The following LRIG2 variants were observed in gnomAD, a reference collection of about 807,000 sequenced individuals.
LRIG2 encodes leucine-rich repeats and immunoglobulin-like domains protein 2.
LRIG2 carries 93 observed loss-of-function variants against 107.8 expected under a neutral mutation model. The ratio of observed to expected loss-of-function variants is 0.86; its 90% CI spans 0.73 to 1.03. LRIG2 has a LOEUF of 1.03. Among genes scored for constraint, LRIG2 ranks in the 50% least tolerant of loss-of-function variants. LRIG2 has a pLI of 0.00. For synonymous variants in LRIG2, 471 were observed against 470.6 expected (o/e 1.00, Z -0.01); for missense variants, 1,226 against 1,296.0 (o/e 0.95, Z 0.83).
intron 11 of LRIG2, among the ~76,000 whole-genome samples, chr1:113,104,830 C>A (rs1019180622): frequency 1.3e-5 from 2 of 152,134 alleles, no homozygotes; most frequent in African/African-American, 4.8e-5. Context: ...ATCTCAGTTT[C>A]CATTTCTAGA....
At chr1:113,090,994 G>A (rs1428258375) in intron 1 of LRIG2, among the ~76,000 whole-genome samples, 2 of 151,790 alleles carry the variant, frequency 1.3e-5, no homozygotes, top group Non-Finnish European at 2.9e-5. Context: ...TGGGATTACA[G>A]GCGTGTGCCA....
At chr1:113,108,972 A>G (rs936640066) in intron 12 of LRIG2, among the ~76,000 whole-genome samples, 3 of 152,192 alleles carry the variant, frequency 2.0e-5, no homozygotes, top group Non-Finnish European at 4.4e-5. Context: ...GGATATCCCT[A>G]GTATCTCTGA....
chr1:113,119,143 A>C, intron 16 of LRIG2, 90 bp from the exon 17 acceptor site: 1 of 1,220,878 alleles, frequency 8.2e-7, no homozygotes, highest in Non-Finnish European at 1.2e-6. Context: ...CATGCTAGCA[A>C]TGATGATGAC....
At position 113,126,089 on chromosome 1, in the gene LRIG2, T is replaced by C. The variant is rs1655474717; in HGVS notation, c.*1988T>C. The C allele has an allele frequency of 6.6e-6, 1 of 152,192 alleles. No homozygotes were observed. The highest frequency in any genetic ancestry group is 2.4e-5 in the African/African-American group (1 of 41,442). 9.4% of individuals were successfully genotyped at this position (152,192 alleles called of 1,614,324 possible). A position where few individuals can be genotyped will look rare whatever the true frequency, so the allele number is the denominator to read the frequency against. On this transcript the variant is annotated 3_prime_UTR_variant, in exon 18 of 18. Transcript: ENST00000361127. ...CTCAGTGCCCCAGATTCACCATTTCTGATTGTGTCTGGAGAACGTTTTCCT... is the reference window on the plus strand; with the variant it reads ...CTCAGTGCCCCAGATTCACCATTTCCGATTGTGTCTGGAGAACGTTTTCCT...
chr1:113,101,044 G>A (rs1481348237), intron 11 of LRIG2, among the ~76,000 whole-genome samples: 2 of 152,182 alleles, frequency 1.3e-5, no homozygotes, highest in Admixed American at 6.5e-5. Flanking sequence ...TTGGAGGTTA[G>A]TTGGGCATTG....
At chr1:113,105,591 C>G (rs986534203) in intron 11 of LRIG2, among the ~76,000 whole-genome samples, 1 of 152,004 alleles carries the variant, frequency 6.6e-6, no homozygotes, top group Non-Finnish European at 1.5e-5. Context: ...TTAAAGTAAC[C>G]AAAAGCAACC....
chr1:113,091,374 T>A lies in LRIG2; in HGVS notation c.296T>A (p.Leu99Ter), dbSNP rs748161605. 6.3e-7 allele frequency: 1 copy of A among 1,588,266 alleles called. No individual in the cohort carries two copies. Among genetic ancestry groups the A allele is most frequent in the Non-Finnish European group, 8.6e-7 (1 of 1,163,292 alleles). The change falls in exon 2 of 18, where the codon TTA becomes TAA. Residue 99 changes from leucine to a stop codon, truncating the protein, a stop_gained. Coordinates refer to ENST00000361127, the MANE Select transcript of LRIG2 (RefSeq NM_014813.3). LOFTEE classifies it high-confidence loss of function. ...NWNISLESQT[L>*]QEVKMNYNEL... is the part of the protein sequence containing the mutation. ...AACATCAGCTTGGAATCACAAACAT[T>A]ACAGGAAGTGTAAGTTATTTTTATT...
At chr1:113,121,132 G>A (rs1655235344) in intron 17 of LRIG2, among the ~76,000 whole-genome samples, 1 of 152,082 alleles carries the variant, frequency 6.6e-6, no homozygotes, top group Non-Finnish European at 1.5e-5. Context: ...AGTTTTAAAT[G>A]TTTTGTTTTG....
intron 11 of LRIG2, chr1:113,103,762 C>T (rs1232851737): frequency 2.0e-5 from 3 of 152,186 alleles, no homozygotes; most frequent in African/African-American, 7.2e-5. Context: ...AACCATTGCT[C>T]CGGACAAACA....
intron 1 of LRIG2, among the ~76,000 whole-genome samples, chr1:113,090,818 A>T (rs1653778501): frequency 6.7e-6 from 1 of 150,274 alleles, no homozygotes; most frequent in African/African-American, 2.4e-5. Flanking sequence ...AGCCTGGGCG[A>T]CAGAGCGAGA....
intron 11 of LRIG2, among the ~76,000 whole-genome samples, chr1:113,104,249 C>T (rs1256910660): frequency 6.6e-6 from 1 of 152,182 alleles, no homozygotes. Flanking sequence ...CAAATTCTTA[C>T]ATCCTCCATC....
intron 12 of LRIG2, 87 bp from the exon 13 acceptor site, chr1:113,110,155 C>A: frequency 1.1e-6 from 1 of 933,324 alleles, no homozygotes; most frequent in Non-Finnish European, 1.6e-6. Context: ...GTAAACAGAA[C>A]ACACAATTTT....
At position 113,126,128 on chromosome 1, in the gene LRIG2, A is replaced by G. The variant is rs1655475966; in HGVS notation, c.*2027A>G. ...GAACGTTTTCCTGGAAAGGCATTCCATGTTCCAAAAGCTACAAAAACATGC... is the reference window on the plus strand; with the variant it reads ...GAACGTTTTCCTGGAAAGGCATTCCGTGTTCCAAAAGCTACAAAAACATGC... On this transcript the variant is annotated 3_prime_UTR_variant, in exon 18 of 18. Coordinates refer to ENST00000361127, the MANE Select transcript of LRIG2 (RefSeq NM_014813.3). 6.6e-6 allele frequency: 1 copy of G among 152,158 alleles called. No homozygotes were observed. Among genetic ancestry groups the G allele is most frequent in the Admixed American group, 6.5e-5 (1 of 15,268 alleles). The allele number at this position is 152,158 out of a possible 1,614,324, so 9.4% of individuals were successfully genotyped here. A position where few individuals can be genotyped will look rare whatever the true frequency, so the allele number is the denominator to read the frequency against.
chr1:113,114,889 C>T lies in LRIG2; in HGVS notation c.2530+13C>T, dbSNP rs986413670. 6.3e-7 allele frequency: 1 copy of T among 1,575,152 alleles called. No individual in the cohort carries two copies. Among genetic ancestry groups the T allele is most frequent in the Non-Finnish European group, 8.6e-7 (1 of 1,157,958 alleles). On this transcript the variant is annotated intron_variant, in intron 15 of 17. Coordinates refer to ENST00000361127, the MANE Select transcript of LRIG2 (RefSeq NM_014813.3). ...ATCACAAACACAGGTAAGTAGTACC[C>T]ACATGACACCTATGGCTTGTACTTC... is the stretch of plus-strand genomic sequence containing the variant.
At position 113,094,377 on chromosome 1, in the gene LRIG2, G is replaced by A. The variant is rs1184715061; in HGVS notation, c.554G>A (p.Gly185Asp). ...SNNRITTLEA[G>D]CFDNLSSSLL... ...AACAGAATAACCACCTTGGAGGCTG[G>A]TTGCTTCGATAATTTATCAAGTTCC... The change falls in exon 5 of 18, where the codon GGT becomes GAT. Residue 185 changes from glycine to aspartate, a missense_variant. By Grantham distance (94) the Gly-to-Asp change is moderately conservative (BLOSUM62 -1). Coordinates refer to ENST00000361127, the MANE Select transcript of LRIG2 (RefSeq NM_014813.3). 4.3e-6 allele frequency: 7 copies of A among 1,612,610 alleles called. No individual in the cohort carries two copies. The highest frequency in any genetic ancestry group is 1.1e-5 in the South Asian group (1 of 90,434).
At chr1:113,105,201 A>G (rs956942488) in intron 11 of LRIG2, among the ~76,000 whole-genome samples, 2 of 152,140 alleles carry the variant, frequency 1.3e-5, no homozygotes, top group African/African-American at 4.8e-5. Flanking sequence ...GCCACAGACA[A>G]AACTTAATTC....
At position 113,095,875 on chromosome 1, in the gene LRIG2, G is replaced by C; in HGVS notation, c.805G>C (p.Glu269Gln). The C allele has an allele frequency of 6.2e-7, 1 of 1,614,164 alleles. No individual in the cohort carries two copies. ...FFGLNNMEEL[E>Q]LEHNNLTRVN... Reference sequence around the variant, plus strand: ...TCTTCTCTTTCTCTAATTCTGCAGAGAACTGGAACACAACAACCTTACACG... The same window carrying C: ...TCTTCTCTTTCTCTAATTCTGCAGACAACTGGAACACAACAACCTTACACG... Residue 269 changes from glutamate (E) to glutamine (Q), a missense_variant and splice_region_variant, in exon 7 of 18, where the codon GAA becomes CAA. Coordinates refer to ENST00000361127, the MANE Select transcript of LRIG2 (RefSeq NM_014813.3).
chr1:113,100,177 A>AG, intron 9 of LRIG2, 34 bp from the exon 10 acceptor site: 1 of 1,314,762 alleles, frequency 7.6e-7, no homozygotes, highest in Non-Finnish European at 1.1e-6. Context: ...TGTTTAGTGG[A>AG]GAGCTTTCTT....
intron 15 of LRIG2, among the ~76,000 whole-genome samples, chr1:113,115,241 G>T (rs1440712564): frequency 6.6e-6 from 1 of 152,184 alleles, no homozygotes; most frequent in African/African-American, 2.4e-5. Context: ...TTGAGATAGG[G>T]TGTTACTGTA....
Sources: allele counts gnomAD v4.1 joint callset (sites outside exome capture counted in the v4.1 genomes callset), GRCh38; gene constraint gnomAD v4.1.1; transcripts MANE v1.5; gene names NCBI Gene and HGNC (gene_info 2026-07-23, HGNC 2026-07-21).